The following PROM1 variants were observed in gnomAD, a reference collection of about 807,000 sequenced individuals.
PROM1 encodes the protein prominin 1, also known as prominin-1.
A neutral mutation model predicts 116.9 loss-of-function variants in PROM1; 105 were observed. That is an observed-to-expected ratio of 0.90 (90% CI 0.77 to 1.06). PROM1 has a LOEUF of 1.06. Ranked by LOEUF, PROM1 falls within the 50% of genes least tolerant of loss-of-function variation. The pLI is 0.00. For missense variants in PROM1, 1,122 were observed against 1,045.2 expected (o/e 1.07, Z -1.01); for synonymous variants, 393 against 387.0 (o/e 1.02, Z -0.18).
chr4:16,033,532 AG>A, intron 4 of PROM1, 23 bp from the exon 5 acceptor site: 1 of 1,521,956 alleles, frequency 6.6e-7, no homozygotes. Flanking sequence ...CAAAAGAAAC[AG>A]CACATATTGT....
chr4:15,991,994 G>C lies in PROM1; in HGVS notation c.1911+254C>G, dbSNP rs553720256. Among the ~76,000 whole-genome samples the C allele has an allele frequency of 2.7e-5, 4 of 150,568 alleles. No individual in the cohort carries two copies. In the East Asian group the frequency reaches 7.8e-4, roughly 29 times the overall value. Reference sequence around the variant, plus strand: ...GATGGGTGGTTGGGTGGTTGCCAAGGGTTTGGGGAGGAGGAAATGGGGGCA... The same window carrying C: ...GATGGGTGGTTGGGTGGTTGCCAAGCGTTTGGGGAGGAGGAAATGGGGGCA... On this transcript the variant is annotated intron_variant, in intron 17 of 27. Coordinates refer to ENST00000447510, the MANE Select transcript of PROM1 (RefSeq NM_006017.3).
At chr4:16,064,757 G>A (rs961946558) in intron 2 of PROM1, among the ~76,000 whole-genome samples, 1 of 152,082 alleles carries the variant, frequency 6.6e-6, no homozygotes, top group Non-Finnish European at 1.5e-5. Flanking sequence ...TCCAGGCATG[G>A]TGGCGGGCGC....
chr4:16,031,814 C>T (rs925998822), intron 5 of PROM1, among the ~76,000 whole-genome samples: 1 of 152,126 alleles, frequency 6.6e-6, no homozygotes, highest in Non-Finnish European at 1.5e-5. Context: ...TAGTTAAGGT[C>T]GATTATTCCA....
intron 2 of PROM1, among the ~76,000 whole-genome samples, chr4:16,044,948 A>C (rs1736178496): frequency 6.6e-6 from 1 of 152,150 alleles, no homozygotes. Context: ...AGGCTATGGA[A>C]GATTGAGAGG....
intron 2 of PROM1, among the ~76,000 whole-genome samples, chr4:16,041,071 C>G (rs1051932124): frequency 7.9e-5 from 12 of 152,188 alleles, no homozygotes; most frequent in Non-Finnish European, 1.6e-4. Flanking sequence ...CTGTGGGAAT[C>G]CCCAAGACAT....
In PROM1 at chr4:16,035,766, A is replaced by T. The variant is rs1353249383; in HGVS notation, c.277-5T>A. Reference sequence around the variant, plus strand: ...ACCTAAGATTACAGTTTCTGGCTGTAGAAGTCAACGCAGGTGAGGAATTTT... The same window carrying T: ...ACCTAAGATTACAGTTTCTGGCTGTTGAAGTCAACGCAGGTGAGGAATTTT... On this transcript the variant is annotated splice_polypyrimidine_tract_variant and splice_region_variant and intron_variant, in intron 3 of 27. Transcript: ENST00000447510. 4 of 1,613,312 alleles carry T rather than the reference A, an allele frequency of 2.5e-6. No homozygotes were observed. In the African/African-American group the frequency reaches 4.0e-5, roughly 16 times the overall value.
intron 2 of PROM1, among the ~76,000 whole-genome samples, chr4:16,057,428 G>A (rs970984382): frequency 6.6e-5 from 10 of 152,190 alleles, no homozygotes; most frequent in Admixed American, 1.3e-4. Flanking sequence ...CATAATTCGG[G>A]AACTTAGAGA....
chr4:16,026,908 C>A (rs1447014876), intron 5 of PROM1, among the ~76,000 whole-genome samples: 2 of 152,124 alleles, frequency 1.3e-5, no homozygotes, highest in Non-Finnish European at 1.5e-5. Context: ...CCGTACTGTA[C>A]AAGCCAAAGA....
At chr4:16,027,315 C>T (rs1731570318) in intron 5 of PROM1, among the ~76,000 whole-genome samples, 2 of 151,920 alleles carry the variant, frequency 1.3e-5, no homozygotes, top group East Asian at 1.9e-4. Flanking sequence ...CACACACACA[C>T]ACACACACAA....
At chr4:16,009,588 C>A (rs2313734) in intron 11 of PROM1, among the ~76,000 whole-genome samples, 72,393 of 151,796 alleles carry the variant, frequency 0.48, 17,492 homozygotes, top group African/African-American at 0.55. Flanking sequence ...CTGACTCTAA[C>A]GTCCCCCTTA....
intron 13 of PROM1, among the ~76,000 whole-genome samples, chr4:16,000,955 G>A (rs536261911): frequency 1.1e-4 from 16 of 152,288 alleles, no homozygotes; most frequent in African/African-American, 3.1e-4. Flanking sequence ...GGACCCACGA[G>A]GGGTAGCCAA....
intron 2 of PROM1, among the ~76,000 whole-genome samples, chr4:16,057,205 C>T (rs1479468367): frequency 6.6e-6 from 1 of 152,200 alleles, no homozygotes; most frequent in Non-Finnish European, 1.5e-5. Flanking sequence ...GCACATAAAA[C>T]TCAGCATGTC....
chr4:15,992,420 C>T (rs905020521), intron 16 of PROM1, 29 bp from the exon 17 acceptor site: 1 of 1,603,270 alleles, frequency 6.2e-7, no homozygotes, highest in Non-Finnish European at 8.5e-7. Flanking sequence ...ACAAATCAGT[C>T]CCTTATTCTC....
chr4:15,993,845 C>A (rs1402002369), intron 16 of PROM1, 142 bp downstream of exon 16: 30 of 1,416,798 alleles, frequency 2.1e-5, no homozygotes, highest in Non-Finnish European at 2.8e-5. Context: ...GGTTACACAG[C>A]CATGTAAATA....
At chr4:16,013,853 C>T (rs1009130388) in intron 10 of PROM1, among the ~76,000 whole-genome samples, 19 of 152,040 alleles carry the variant, frequency 1.2e-4, no homozygotes, top group Admixed American at 2.6e-4. Flanking sequence ...AGACACTGAT[C>T]GGTACACTAT....
At chr4:15,992,466 A>G in intron 16 of PROM1, 75 bp from the exon 17 acceptor site, 4 of 1,507,872 alleles carry the variant, frequency 2.7e-6, no homozygotes, top group Non-Finnish European at 3.6e-6. Context: ...TAAAAGAGCA[A>G]TAAAAGCTGG....
intron 2 of PROM1, among the ~76,000 whole-genome samples, chr4:16,057,800 A>G (rs1413371031): frequency 6.6e-6 from 1 of 152,220 alleles, no homozygotes; most frequent in African/African-American, 2.4e-5. Context: ...GAAGAAAGAA[A>G]AAGAAAGAAA....
intron 10 of PROM1, among the ~76,000 whole-genome samples, chr4:16,014,275 T>G (rs764740383): frequency 1.3e-5 from 2 of 152,230 alleles, no homozygotes; most frequent in Non-Finnish European, 2.9e-5. Context: ...CATCCATGAC[T>G]TCCGTTTCCT....
intron 5 of PROM1, among the ~76,000 whole-genome samples, chr4:16,026,585 G>A (rs1731356971): frequency 2.0e-5 from 3 of 152,062 alleles, no homozygotes; most frequent in South Asian, 2.1e-4. Context: ...ATATAATTAC[G>A]GGTAGGATGA....
Sources: allele counts gnomAD v4.1 joint callset (sites outside exome capture counted in the v4.1 genomes callset), GRCh38; gene constraint gnomAD v4.1.1; transcripts MANE v1.5; gene names NCBI Gene and HGNC (gene_info 2026-07-23, HGNC 2026-07-21).